Variants in FHIP1A observed in about 807,000 individuals in gnomAD.
The protein encoded by FHIP1A is FHF complex subunit HOOK interacting protein 1A.
Under a neutral mutation model 88.6 loss-of-function variants are expected in FHIP1A, and 61 were observed. The observed-to-expected ratio is 0.69, with a 90% confidence interval of 0.56 to 0.85. The LOEUF is 0.85. Among genes scored for constraint, FHIP1A ranks in the 40% least tolerant of loss-of-function variants. The probability of loss-of-function intolerance (pLI) is 0.00; values close to 1 mark genes in which losing one functional copy is unlikely to be tolerated. For missense variants in FHIP1A, 1,154 were observed against 1,273.5 expected, an observed-to-expected ratio of 0.91 and a Z score of 1.43; for synonymous variants, 478 against 496.0, an observed-to-expected ratio of 0.96 and a Z score of 0.48.
chr4:151,488,337 CTCTAATGG>C (rs1730159035), intron 3 of FHIP1A, among the ~76,000 whole-genome samples: 1 of 152,194 alleles, frequency 6.6e-6, no homozygotes, highest in South Asian at 2.1e-4. Flanking sequence ...TCTCTCTCCA[CTCTAATGG>C]TCTCCAGTGT....
intron 5 of FHIP1A, among the ~76,000 whole-genome samples, chr4:151,579,901 T>A (rs1176770568): frequency 6.6e-6 from 1 of 152,248 alleles, no homozygotes; most frequent in Non-Finnish European, 1.5e-5. Flanking sequence ...TTTTATGCTT[T>A]TATTTGTTTT....
intron 2 of FHIP1A, among the ~76,000 whole-genome samples, chr4:151,469,026 G>C (rs1036916682): frequency 1.3e-5 from 2 of 152,108 alleles, no homozygotes; most frequent in African/African-American, 4.8e-5. Context: ...TTGAATATGT[G>C]GTTATACTTT....
At chr4:151,565,250 A>G (rs1733338889) in intron 3 of FHIP1A, among the ~76,000 whole-genome samples, 1 of 152,144 alleles carries the variant, frequency 6.6e-6, no homozygotes. Context: ...GTGAGACAAT[A>G]CCACTGCCTT....
At chr4:151,630,268 C>T (rs1047682255) in intron 8 of FHIP1A, among the ~76,000 whole-genome samples, 4 of 152,094 alleles carry the variant, frequency 2.6e-5, no homozygotes, top group Admixed American at 2.0e-4. Context: ...ATATTCCTGT[C>T]CATGAGTTTT....
chr4:151,442,785 T>C (rs761992195), intron 1 of FHIP1A, among the ~76,000 whole-genome samples: 1 of 152,220 alleles, frequency 6.6e-6, no homozygotes, highest in African/African-American at 2.4e-5. Flanking sequence ...TTGTTTCTAA[T>C]CTGTTCTTCC....
In FHIP1A at chr4:151,457,807, G is replaced by T. The variant is rs182538080; in HGVS notation, c.-248+2999G>T. 2.2e-3 allele frequency among the ~76,000 whole-genome samples: 342 copies of T among 152,220 alleles called. 1 individual carries two copies. Among genetic ancestry groups the T allele is most frequent in the African/African-American group, 6.9e-3 (287 of 41,556 alleles). ...AGAGGCCAGGCAGGTAGTATAATAT[G>T]AATATAAGTTTCTAGGGAGGAATGG... On this transcript the variant is annotated intron_variant, in intron 2 of 13. Coordinates refer to ENST00000435205, the MANE Select transcript of FHIP1A (RefSeq NM_001109977.3).
Position 151,566,189 on chromosome 4 carries a change from AAGTT to A in FHIP1A, c.-67_-64del. 1 of 886,044 alleles carries A rather than the reference AAGTT, an allele frequency of 1.1e-6. No individual in the cohort carries two copies. Among genetic ancestry groups the A allele is most frequent in the Non-Finnish European group, 1.7e-6 (1 of 584,756 alleles). The allele number at this position is 886,044 out of a possible 1,614,324, so 54.9% of individuals were successfully genotyped here. A position where few individuals can be genotyped will look rare whatever the true frequency, so the allele number is the denominator to read the frequency against. ...AAGAAGTTACATTTCTCAAACTTGA[AAGTT>A]AGTGACGGCTTACCAAATTTTAATG... On this transcript the variant is annotated 5_prime_UTR_variant, in exon 4 of 14. An upstream open reading frame in the 5' UTR loses its in-frame stop. Coordinates refer to ENST00000435205, the MANE Select transcript of FHIP1A (RefSeq NM_001109977.3).
At chr4:151,539,927 C>A (rs1044696711) in intron 3 of FHIP1A, among the ~76,000 whole-genome samples, 2 of 152,198 alleles carry the variant, frequency 1.3e-5, no homozygotes, top group Admixed American at 6.5e-5. Context: ...AGAGAGAACT[C>A]TAAATGATTG....
At chr4:151,529,744 AG>A (rs1731803997) in intron 3 of FHIP1A, among the ~76,000 whole-genome samples, 1 of 152,178 alleles carries the variant, frequency 6.6e-6, no homozygotes, top group Non-Finnish European at 1.5e-5. Context: ...AGAAGGATGG[AG>A]GTTATCCCCA....
intron 1 of FHIP1A, among the ~76,000 whole-genome samples, chr4:151,454,461 A>G (rs149829812): frequency 8.4e-4 from 128 of 152,332 alleles, no homozygotes; most frequent in African/African-American, 2.9e-3. Flanking sequence ...TTGCAGAACT[A>G]AAGAGGCTAG....
intron 2 of FHIP1A, among the ~76,000 whole-genome samples, chr4:151,461,996 T>A (rs1019554813): frequency 3.3e-5 from 5 of 152,040 alleles, no homozygotes; most frequent in Non-Finnish European, 1.5e-5. Context: ...ACTCTGTCCC[T>A]ACAGAATATT....
intron 5 of FHIP1A, among the ~76,000 whole-genome samples, chr4:151,580,841 A>G (rs1424870748): frequency 1.3e-5 from 2 of 151,806 alleles, no homozygotes; most frequent in Admixed American, 6.6e-5. Flanking sequence ...AAACATGTTG[A>G]ATTATTTATT....
chr4:151,549,738 C>T (rs1163736925), intron 3 of FHIP1A, among the ~76,000 whole-genome samples: 1 of 152,124 alleles, frequency 6.6e-6, no homozygotes, highest in Admixed American at 6.5e-5. Context: ...TCTATGGACT[C>T]ACCTTGAATT....
chr4:151,586,432 T>C (rs1167486502), intron 5 of FHIP1A, among the ~76,000 whole-genome samples: 1 of 152,216 alleles, frequency 6.6e-6, no homozygotes, highest in Non-Finnish European at 1.5e-5. Context: ...AGTTCTGATA[T>C]TGCCATTCCT....
intron 3 of FHIP1A, among the ~76,000 whole-genome samples, chr4:151,512,952 C>T (rs1183841360): frequency 5.9e-5 from 9 of 152,164 alleles, no homozygotes; most frequent in South Asian, 2.1e-4. Context: ...ATACAGAGAA[C>T]GCCACAAAGA....
At chr4:151,448,820 A>G (rs1728695783) in intron 1 of FHIP1A, among the ~76,000 whole-genome samples, 1 of 152,158 alleles carries the variant, frequency 6.6e-6, no homozygotes, top group Non-Finnish European at 1.5e-5. Context: ...TTTAATACCC[A>G]GGAGTTTAGA....
chr4:151,438,495 G>T (rs927817829), intron 1 of FHIP1A, among the ~76,000 whole-genome samples: 10 of 151,304 alleles, frequency 6.6e-5, no homozygotes, highest in African/African-American at 2.4e-4. Context: ...AAAAGTATGG[G>T]ATTTGTTTAA....
intron 2 of FHIP1A, among the ~76,000 whole-genome samples, chr4:151,463,791 A>G (rs1466038681): frequency 6.6e-6 from 1 of 152,214 alleles, no homozygotes; most frequent in Non-Finnish European, 1.5e-5. Flanking sequence ...ACACTGACTG[A>G]AAAATACCCT....
chr4:151,510,853 G>T (rs1301444671), intron 3 of FHIP1A, among the ~76,000 whole-genome samples: 3 of 152,168 alleles, frequency 2.0e-5, no homozygotes, highest in East Asian at 1.9e-4. Context: ...CTCTTGAAAT[G>T]GCTGTTTATT....
Sources: allele counts gnomAD v4.1 joint callset (sites outside exome capture counted in the v4.1 genomes callset), GRCh38; gene constraint gnomAD v4.1.1; transcripts MANE v1.5; gene names NCBI Gene and HGNC (gene_info 2026-07-23, HGNC 2026-07-21).